CEP112: variants seen among roughly 807,000 people sequenced by gnomAD.
The protein encoded by CEP112 is centrosomal protein of 112 kDa.
In CEP112, 127 loss-of-function variants were observed where a neutral mutation model predicts 153.0. That is an observed-to-expected ratio of 0.83 (90% CI 0.72 to 0.96). The LOEUF (loss-of-function observed/expected upper bound fraction) is 0.96. Ranked by LOEUF, CEP112 falls within the 40% of genes least tolerant of loss-of-function variation. The pLI is 0.00. For synonymous variants in CEP112, 358 were observed against 374.4 expected, an observed-to-expected ratio of 0.96 and a Z score of 0.51; for missense variants, 1,089 against 1,101.2, an observed-to-expected ratio of 0.99 and a Z score of 0.16.
intron 21 of CEP112, among the ~76,000 whole-genome samples, chr17:65,837,654 A>G (rs976515220): frequency 2.6e-5 from 4 of 152,126 alleles, no homozygotes; most frequent in Non-Finnish European, 4.4e-5. Flanking sequence ...GAAAAGGGGG[A>G]AATGTGGGGA....
At chr17:65,825,451 C>T (rs745351482) in intron 21 of CEP112, among the ~76,000 whole-genome samples, 31 of 152,222 alleles carry the variant, frequency 2.0e-4, no homozygotes, top group Middle Eastern at 6.8e-3. Flanking sequence ...CAGACAGGTA[C>T]GGGTCTGCAG....
intron 23 of CEP112, among the ~76,000 whole-genome samples, chr17:65,727,776 A>T (rs1174066510): frequency 6.6e-6 from 1 of 152,212 alleles, no homozygotes; most frequent in Non-Finnish European, 1.5e-5. Flanking sequence ...GGACCCAGCT[A>T]GGAATCAGGC....
At chr17:66,125,937 C>G (rs1185752609) in intron 6 of CEP112, among the ~76,000 whole-genome samples, 1 of 152,122 alleles carries the variant, frequency 6.6e-6, no homozygotes, top group East Asian at 1.9e-4. Flanking sequence ...TTTAAACCAT[C>G]AGTCAATAAT....
intron 4 of CEP112, among the ~76,000 whole-genome samples, chr17:66,152,689 C>T (rs2071260519): frequency 6.6e-6 from 1 of 152,156 alleles, no homozygotes; most frequent in Non-Finnish European, 1.5e-5. Flanking sequence ...GTATGCCTGA[C>T]AGATCCTCTC....
chr17:66,113,539 T>C (rs749524752), intron 6 of CEP112, among the ~76,000 whole-genome samples: 2 of 152,188 alleles, frequency 1.3e-5, no homozygotes, highest in Non-Finnish European at 2.9e-5. Context: ...GTACAAAATA[T>C]TGGTTCAGCT....
chr17:65,765,308 G>T (rs1273820152), intron 21 of CEP112, among the ~76,000 whole-genome samples: 1 of 149,150 alleles, frequency 6.7e-6, no homozygotes, highest in African/African-American at 2.5e-5. Context: ...TTTTCTTTGG[G>T]GTCAGTTACT....
chr17:65,746,467 C>T (rs553758657), intron 22 of CEP112, among the ~76,000 whole-genome samples: 10 of 151,870 alleles, frequency 6.6e-5, no homozygotes, highest in African/African-American at 2.2e-4. Flanking sequence ...ACAGGTGATA[C>T]GGATATGGAA....
intron 21 of CEP112, among the ~76,000 whole-genome samples, chr17:65,769,334 C>T (rs1336571229): frequency 6.6e-6 from 1 of 151,762 alleles, no homozygotes; most frequent in Non-Finnish European, 1.5e-5. Flanking sequence ...TTTAAATGTC[C>T]ATACTACTCC....
chr17:66,005,411 AAT>A (rs1248652906), intron 17 of CEP112, among the ~76,000 whole-genome samples: 1 of 152,188 alleles, frequency 6.6e-6, no homozygotes, highest in Non-Finnish European at 1.5e-5. Flanking sequence ...TTTTTTAAAA[AAT>A]ATGTTTTCGC....
intron 17 of CEP112, among the ~76,000 whole-genome samples, chr17:65,996,561 G>A (rs2063799954): frequency 6.6e-6 from 1 of 152,196 alleles, no homozygotes; most frequent in African/African-American, 2.4e-5. Context: ...CGCTGTGGCT[G>A]CAGCCAACCT....
intron 16 of CEP112, among the ~76,000 whole-genome samples, chr17:66,008,031 CAT>C (rs895959815): frequency 9.9e-5 from 15 of 152,048 alleles, no homozygotes; most frequent in South Asian, 2.1e-4. Context: ...CAGATTGACA[CAT>C]AGAGACAGAA....
chr17:65,832,088 A>C (rs2057104870), intron 21 of CEP112, among the ~76,000 whole-genome samples: 1 of 152,224 alleles, frequency 6.6e-6, no homozygotes, highest in South Asian at 2.1e-4. Flanking sequence ...CTCCTGAATG[A>C]CTTTTGGGTA....
intron 12 of CEP112, among the ~76,000 whole-genome samples, chr17:66,034,976 G>GTGTGTGTGTGTGTGTGTGTGTGTATATA (rs1255011364): frequency 1.5e-4 from 2 of 13,446 alleles, no homozygotes; most frequent in African/African-American, 4.3e-4. Flanking sequence ...GTTTTTGCAT[G>GTGTGTGTGTGTGTGTGTGTGTGTATATA]TATATATATA....
chr17:66,169,761 T>C (rs1224970692), intron 4 of CEP112, among the ~76,000 whole-genome samples: 1 of 152,210 alleles, frequency 6.6e-6, no homozygotes, highest in African/African-American at 2.4e-5. Context: ...ATAGATTGCA[T>C]ACTTTTCCAA....
At chr17:66,083,873 A>C (rs1236918145) in intron 8 of CEP112, among the ~76,000 whole-genome samples, 1 of 152,170 alleles carries the variant, frequency 6.6e-6, no homozygotes, top group Non-Finnish European at 1.5e-5. Flanking sequence ...ACAAAACAAC[A>C]AAAAAAGAAC....
intron 1 of CEP112, among the ~76,000 whole-genome samples, chr17:66,189,383 A>T (rs2073075603): frequency 6.6e-6 from 1 of 152,026 alleles, no homozygotes; most frequent in African/African-American, 2.4e-5. Flanking sequence ...ACACACCTGT[A>T]TTCCCAGCTA....
At chr17:65,989,969 T>C (rs924908725) in intron 17 of CEP112, among the ~76,000 whole-genome samples, 1 of 151,944 alleles carries the variant, frequency 6.6e-6, no homozygotes, top group African/African-American at 2.4e-5. Flanking sequence ...TAACTTGTTA[T>C]CGCTATAAAA....
chr17:65,951,340 G>A (rs1309740156), intron 18 of CEP112, among the ~76,000 whole-genome samples: 2 of 151,972 alleles, frequency 1.3e-5, no homozygotes, highest in Non-Finnish European at 2.9e-5. Context: ...GATGTAATTC[G>A]CCAGTGAAGC....
chr17:66,084,374 G>A (rs781409166), intron 8 of CEP112, among the ~76,000 whole-genome samples: 1 of 152,188 alleles, frequency 6.6e-6, no homozygotes, highest in Non-Finnish European at 1.5e-5. Flanking sequence ...GTTTATTGCA[G>A]CACTAATAAC....
Sources: allele counts gnomAD v4.1 joint callset (sites outside exome capture counted in the v4.1 genomes callset), GRCh38; gene constraint gnomAD v4.1.1; transcripts MANE v1.5; gene names NCBI Gene and HGNC (gene_info 2026-07-23, HGNC 2026-07-21).